The following ALDH1L2 variants were observed in gnomAD, a reference collection of about 807,000 sequenced individuals.
ALDH1L2 encodes mitochondrial 10-formyltetrahydrofolate dehydrogenase.
A neutral mutation model predicts 111.0 loss-of-function variants in ALDH1L2; 91 were observed. That is an observed-to-expected ratio of 0.82 (90% CI 0.69 to 0.98). ALDH1L2 has a LOEUF of 0.98. Among genes scored for constraint, ALDH1L2 ranks in the 50% least tolerant of loss-of-function variants. ALDH1L2 has a pLI of 0.00. For synonymous variants in ALDH1L2, 374 were observed against 392.6 expected (o/e 0.95, Z 0.56); for missense variants, 995 against 1,126.8 (o/e 0.88, Z 1.67).
intron 9 of ALDH1L2, among the ~76,000 whole-genome samples, chr12:105,059,979 C>T (rs769186654): frequency 2.0e-5 from 3 of 152,188 alleles, no homozygotes; most frequent in Non-Finnish European, 4.4e-5. Context: ...CGAAGAAAAA[C>T]ACCTCTGAAA....
rs1394920684 is a variant in ALDH1L2, at chr12:105,036,126, TTA to T, written c.2146-1730_2146-1729del. Among the ~76,000 whole-genome samples the T allele has an allele frequency of 4.8e-4, 21 of 43,706 alleles. 2 individuals are homozygous for T. The highest frequency in any genetic ancestry group is 7.0e-4 in the Non-Finnish European group (21 of 30,178). The allele number at this position is 43,706 out of a possible 152,430, so 28.7% of individuals were successfully genotyped here. A position where few individuals can be genotyped will look rare whatever the true frequency, so the allele number is the denominator to read the frequency against. ...GTATATTTATATATGTGTATATATA[TTA>T]TATATATACGTATATTTATATATGT... On this transcript the variant is annotated intron_variant, in intron 18 of 22. Coordinates refer to ENST00000258494, the MANE Select transcript of ALDH1L2 (RefSeq NM_001034173.4).
In ALDH1L2 at chr12:105,076,961, G is replaced by C. The variant is rs559424786; in HGVS notation, c.49-2956C>G. ...CCTGCCCAAGGGCAGAGCTAATAAG[G>C]GTCCAGGGCAGGATTCAAACCTGGA... On this transcript the variant is annotated intron_variant, in intron 1 of 22. Transcript: ENST00000258494. Among the ~76,000 whole-genome samples, 12 of 152,320 alleles carry C rather than the reference G, an allele frequency of 7.9e-5. 1 individual carries two copies. The South Asian group carries it at 1.5e-3, about 18-fold the overall frequency.
Position 105,024,391 on chromosome 12 carries a change from G to C in ALDH1L2, c.*33C>G. On this transcript the variant is annotated 3_prime_UTR_variant, in exon 23 of 23. Coordinates refer to ENST00000258494, the MANE Select transcript of ALDH1L2 (RefSeq NM_001034173.4). ...AGTGTGTCCAGAGTTGTAAAGGGCT[G>C]TCTGTCAAGGCTTTCCTGATGATGG... 6.2e-7 allele frequency: 1 copy of C among 1,611,562 alleles called. No individual in the cohort carries two copies. Among genetic ancestry groups the C allele is most frequent in the Non-Finnish European group, 8.5e-7 (1 of 1,177,994 alleles).
In ALDH1L2 at chr12:105,023,576, C is replaced by A. The variant is rs1030202793; in HGVS notation, c.*848G>T. 3 of 152,132 alleles carry A rather than the reference C, an allele frequency of 2.0e-5. No individual in the cohort carries two copies. The highest frequency in any genetic ancestry group is 2.1e-4 in the South Asian group (1 of 4,812). The allele number at this position is 152,132 out of a possible 1,614,324, so 9.4% of individuals were successfully genotyped here. Reference sequence around the variant, plus strand: ...GCATTAATGTGAGGTGCTTTACTTACATTACTGCAATGAATTCTCCTATTA... The same window carrying A: ...GCATTAATGTGAGGTGCTTTACTTAAATTACTGCAATGAATTCTCCTATTA... On this transcript the variant is annotated 3_prime_UTR_variant, in exon 23 of 23. Transcript: ENST00000258494.
intron 20 of ALDH1L2, among the ~76,000 whole-genome samples, chr12:105,031,554 C>T (rs938647022): frequency 6.6e-6 from 1 of 152,178 alleles, no homozygotes; most frequent in Non-Finnish European, 1.5e-5. Flanking sequence ...GATCTCAGCT[C>T]ACTGCAGCCT....
At chr12:105,071,439 G>A (rs1028154247) in intron 2 of ALDH1L2, among the ~76,000 whole-genome samples, 6 of 151,410 alleles carry the variant, frequency 4.0e-5, no homozygotes, top group African/African-American at 1.2e-4. Flanking sequence ...TGAGAAGAGC[G>A]CTGTCCCCTC....
At chr12:105,026,256 C>T (rs1049289618) in intron 22 of ALDH1L2, among the ~76,000 whole-genome samples, 1 of 152,236 alleles carries the variant, frequency 6.6e-6, no homozygotes, top group African/African-American at 2.4e-5. Flanking sequence ...TCAGATTAAA[C>T]ACCAAACATA....
Position 105,028,748 on chromosome 12 carries a change from T to G in ALDH1L2, c.2516+1576A>C, listed in dbSNP as rs558209183. 1.9e-4 allele frequency among the ~76,000 whole-genome samples: 29 copies of G among 152,280 alleles called. 1 individual carries two copies. The highest frequency in any genetic ancestry group is 3.1e-4 in the Non-Finnish European group (21 of 68,024). On this transcript the variant is annotated intron_variant, in intron 21 of 22. Transcript: ENST00000258494. Reference sequence around the variant, plus strand: ...CTATCAAGATATCACCATAGCTCCATAGCACATTGTTTATGTCTACAGCAA... The same window carrying G: ...CTATCAAGATATCACCATAGCTCCAGAGCACATTGTTTATGTCTACAGCAA...
Position 105,038,165 on chromosome 12 carries a change from G to A in ALDH1L2, c.2083C>T (p.Leu695Phe), listed in dbSNP as rs746874028. Residue 695 changes from leucine (L) to phenylalanine (F), a missense_variant, in exon 18 of 23, where the codon CTT (leucine) becomes TTT (phenylalanine). Leu to Phe is a conservative substitution (Grantham distance 22). Coordinates refer to ENST00000258494, the MANE Select transcript of ALDH1L2 (RefSeq NM_001034173.4). ...VSNLKKVSLE[L>F]GGKSPLIIFN... ...ATTATAAGTGGAGACTTGCCACCAAGCTCAAGGGAAACTTTCTTCAAGTTG... is the reference window on the plus strand; with the variant it reads ...ATTATAAGTGGAGACTTGCCACCAAACTCAAGGGAAACTTTCTTCAAGTTG... 5.0e-6 allele frequency: 8 copies of A among 1,612,022 alleles called. No homozygotes were observed. Among genetic ancestry groups the A allele is most frequent in the Non-Finnish European group, 6.8e-6 (8 of 1,178,878 alleles).
chr12:105,039,933 C>T (rs778291567), intron 16 of ALDH1L2, 127 bp from the exon 17 acceptor site: 7 of 708,764 alleles, frequency 9.9e-6, no homozygotes, highest in Middle Eastern at 2.4e-4. Context: ...GATCGAGACC[C>T]GCCTGACCAC....
chr12:105,041,337 C>A (rs1033372730), intron 15 of ALDH1L2, among the ~76,000 whole-genome samples: 2 of 152,154 alleles, frequency 1.3e-5, no homozygotes, highest in Non-Finnish European at 2.9e-5. Context: ...CTGGATTTGT[C>A]TGATGTTTTT....
chr12:105,059,413 G>A (rs1371048230), intron 9 of ALDH1L2, among the ~76,000 whole-genome samples: 1 of 151,444 alleles, frequency 6.6e-6, no homozygotes, highest in Non-Finnish European at 1.5e-5. Context: ...TCCCAGGAGT[G>A]CAAGGCTGCT....
At chr12:105,061,139 C>A in intron 8 of ALDH1L2, 67 bp from the exon 9 acceptor site, 1 of 1,368,122 alleles carries the variant, frequency 7.3e-7, no homozygotes, top group Non-Finnish European at 1.0e-6. Flanking sequence ...ACTGGGCTAG[C>A]TCTTCACCAA....
chr12:105,040,120 C>T (rs1434807226), intron 16 of ALDH1L2, among the ~76,000 whole-genome samples: 2 of 105,498 alleles, frequency 1.9e-5, no homozygotes, highest in African/African-American at 8.3e-5. Context: ...AGTGAGACTC[C>T]GTCTCAAAAA....
chr12:105,044,929 G>A (rs1389095735), intron 15 of ALDH1L2, among the ~76,000 whole-genome samples: 1 of 151,752 alleles, frequency 6.6e-6, no homozygotes, highest in African/African-American at 2.4e-5. Flanking sequence ...CTTTTTGTGT[G>A]TGTTTTTAAA....
chr12:105,039,759 G>A lies in ALDH1L2; in HGVS notation c.1999C>T (p.Leu667Phe), dbSNP rs1875406972. Residue 667 changes from leucine (L) to phenylalanine (F), a missense_variant, in exon 17 of 23, where the codon CTT becomes TTT. Leu to Phe is a conservative substitution (Grantham distance 22). Coordinates refer to ENST00000258494, the MANE Select transcript of ALDH1L2 (RefSeq NM_001034173.4). ...ATAGGAGTGGATCCAGTGAAACCAA[G>A]TTTGCGGATGTCAGGATGTTCAGAC... The part of the protein sequence containing the change: ...RLSEHPDIRK[L>F]GFTGSTPIGK... 1 of 1,614,078 alleles carries A rather than the reference G, an allele frequency of 6.2e-7. No individual in the cohort carries two copies. The highest frequency in any genetic ancestry group is 2.2e-5 in the East Asian group (1 of 44,882).
rs565052142 is a variant in ALDH1L2, at chr12:105,048,899, T to C, written c.1686+1009A>G. ...TACAAAAATTAGCCAGGCGTGGTGG[T>C]GCACACCTGTAATCCCAGCTACTAG... On this transcript the variant is annotated intron_variant, in intron 13 of 22. Coordinates refer to ENST00000258494, the MANE Select transcript of ALDH1L2 (RefSeq NM_001034173.4). 6.1e-4 allele frequency among the ~76,000 whole-genome samples: 92 copies of C among 151,812 alleles called. 1 individual carries two copies. The highest frequency in any genetic ancestry group is 2.1e-3 in the African/African-American group (88 of 41,364).
intron 9 of ALDH1L2, among the ~76,000 whole-genome samples, chr12:105,059,948 T>G (rs1381336337): frequency 6.6e-6 from 1 of 152,250 alleles, no homozygotes; most frequent in East Asian, 1.9e-4. Context: ...GAGCTCCAGC[T>G]GTCTTGTTAT....
intron 21 of ALDH1L2, among the ~76,000 whole-genome samples, chr12:105,027,416 G>T (rs191907068): frequency 8.7e-4 from 133 of 152,026 alleles, no homozygotes; most frequent in Non-Finnish European, 1.7e-3. Context: ...CATCTCTTCC[G>T]ATTTTGCACA....
Sources: gnomAD v4.1 joint callset for allele counts (sites outside exome capture counted in the v4.1 genomes callset) on GRCh38, gnomAD v4.1.1 for gene constraint, MANE v1.5 for transcripts, NCBI Gene and HGNC (gene_info 2026-07-23, HGNC 2026-07-21) for gene names.